JADE2: variants seen among roughly 807,000 people sequenced by gnomAD.
JADE2 encodes E3 ubiquitin-protein ligase Jade-2.
In JADE2, 13 loss-of-function variants were observed where a neutral mutation model predicts 85.7. The observed-to-expected ratio is 0.15, with a 90% CI of 0.10 to 0.24. The LOEUF (loss-of-function observed/expected upper bound fraction) is 0.24, where lower values mean the gene tolerates loss of function less well. Ranked by LOEUF, JADE2 falls within the 10% of genes least tolerant of loss-of-function variation. The pLI, the probability that JADE2 is intolerant of heterozygous loss-of-function variation, is 1.00. For synonymous variants in JADE2, 440 were observed against 456.1 expected (o/e 0.96, Z 0.45); for missense variants, 846 against 1,115.9 (o/e 0.76, Z 3.45).
At position 134,566,234 on chromosome 5, in the gene JADE2, A is replaced by G. The variant is rs1763632855; in HGVS notation, c.1088A>G (p.Glu363Gly). The change falls in exon 9 of 12, where the codon GAG (glutamate) becomes GGG (glycine). Residue 363 changes from glutamate (E) to glycine (G), a missense_variant. This residue lies in a region of JADE2 where 39 missense variants were observed against 37.6 expected (regional missense o/e 1.04). Coordinates refer to ENST00000681547, the MANE Select transcript of JADE2 (RefSeq NM_001388185.1). This position sits in a 1 kb window ranked among gnomAD's most constrained non-coding sequence, Gnocchi z 6.7. ...DEVKFKSFCQ[E>G]HSDGGPRNEP... ...GTCAAGTTCAAGTCATTCTGCCAGG[A>G]GCACAGTGACGGGGGCCCACGTAAT... is the stretch of plus-strand genomic sequence containing the variant. 3 of 1,614,130 alleles carry G rather than the reference A, an allele frequency of 1.9e-6. No individual in the cohort carries two copies. The highest frequency in any genetic ancestry group is 2.5e-6 in the Non-Finnish European group (3 of 1,180,034).
At chr5:134,525,589 G>GCCCCCCCCC, upstream of JADE2, 3 of 190,778 alleles carry the variant, frequency 1.6e-5, no homozygotes, top group South Asian at 3.7e-5. Flanking sequence ...CGCTCCTCCT[G>GCCCCCCCCC]CCCGCCCCCA....
intron 3 of JADE2, among the ~76,000 whole-genome samples, chr5:134,546,451 A>G (rs192109221): frequency 6.6e-6 from 1 of 152,290 alleles, no homozygotes; most frequent in East Asian, 1.9e-4. Context: ...TGACTATTAG[A>G]AGAGATGGAC....
rs760460626 is a variant in JADE2 at position 134,560,779 on chromosome 5, G to A, written c.506G>A (p.Arg169His). 4.3e-6 allele frequency: 7 copies of A among 1,614,026 alleles called. No homozygotes were observed. The highest frequency in any genetic ancestry group is 1.7e-5 in the Admixed American group (1 of 59,982). ...GAGCTGGACGAGCTGACATTAGAGC[G>A]TGTGCTGGAGGAGCTGGAGACCCTG... The part of the protein sequence containing the change: ...RPELDELTLE[R>H]VLEELETLCH... Residue 169 changes from arginine (R) to histidine (H), a missense_variant, in exon 6 of 12, where the codon CGT becomes CAT. By Grantham distance (29) the Arg-to-His change is conservative. Coordinates refer to ENST00000681547, the MANE Select transcript of JADE2 (RefSeq NM_001388185.1).
At chr5:134,538,266 TC>T in intron 3 of JADE2, among the ~76,000 whole-genome samples, 183 bp downstream of exon 3, 1 of 152,146 alleles carries the variant, frequency 6.6e-6, no homozygotes, top group Non-Finnish European at 1.5e-5. Flanking sequence ...GTGAAGATGT[TC>T]CTATTGAACT....
At chr5:134,546,493 C>T (rs1470568040) in intron 3 of JADE2, among the ~76,000 whole-genome samples, 6 of 152,142 alleles carry the variant, frequency 3.9e-5, no homozygotes, top group Non-Finnish European at 7.3e-5. Context: ...ATAGGCTGGG[C>T]GTGGTGGCTC....
chr5:134,555,528 CAG>C (rs1399588144), intron 4 of JADE2, among the ~76,000 whole-genome samples: 1 of 152,204 alleles, frequency 6.6e-6, no homozygotes, highest in Non-Finnish European at 1.5e-5. Context: ...GGAAGGACAG[CAG>C]ATACCTTCTG....
chr5:134,533,442 G>C, intron 1 of JADE2: 2 of 678,068 alleles, frequency 2.9e-6, no homozygotes, highest in Non-Finnish European at 3.6e-6. Context: ...TCTTTCCCAA[G>C]GTCCCTGGTC....
chr5:134,569,125 G>A (rs1763835889), intron 9 of JADE2, among the ~76,000 whole-genome samples: 1 of 152,246 alleles, frequency 6.6e-6, no homozygotes, highest in South Asian at 2.1e-4. Flanking sequence ...TGGGGTCACA[G>A]TGCATGTGGG....
At chr5:134,573,944 C>G (rs1764207269) in intron 10 of JADE2, 182 bp downstream of exon 10, 1 of 681,358 alleles carries the variant, frequency 1.5e-6, no homozygotes, top group African/African-American at 1.8e-5. Flanking sequence ...TGCAAGGGTC[C>G]TGAGTTGTGC....
chr5:134,559,340 C>T (rs1350864041), intron 4 of JADE2, among the ~76,000 whole-genome samples: 1 of 152,204 alleles, frequency 6.6e-6, no homozygotes, highest in Non-Finnish European at 1.5e-5. Context: ...GCCTTGTCCG[C>T]AGCCTTGAAG....
At chr5:134,545,056 C>T (rs1286712895) in intron 3 of JADE2, among the ~76,000 whole-genome samples, 1 of 152,158 alleles carries the variant, frequency 6.6e-6, no homozygotes, top group East Asian at 1.9e-4. Flanking sequence ...GCAAAATGCC[C>T]ATAATTTGAT....
chr5:134,538,448 G>A (rs943364103), intron 3 of JADE2, among the ~76,000 whole-genome samples: 36 of 152,158 alleles, frequency 2.4e-4, no homozygotes, highest in Non-Finnish European at 5.3e-4. Context: ...AAGCAGCAGG[G>A]TTTGTGACAT....
intron 9 of JADE2, among the ~76,000 whole-genome samples, 198 bp from the exon 10 acceptor site, chr5:134,573,447 T>C (rs1764164284): frequency 6.6e-6 from 1 of 152,142 alleles, no homozygotes; most frequent in Admixed American, 6.5e-5. Flanking sequence ...GCCTTAGGTT[T>C]TGGATCCGAG....
intron 1 of JADE2, among the ~76,000 whole-genome samples, chr5:134,533,966 G>T (rs773671918): frequency 6.6e-5 from 10 of 151,894 alleles, no homozygotes; most frequent in Non-Finnish European, 1.5e-4. Context: ...GGCTGGTCTC[G>T]ATCTCTTGGG....
At position 134,583,216 on chromosome 5, in the gene JADE2, G is replaced by A. The variant is rs329327; in HGVS notation, c.*3899G>A. 0.99 allele frequency: 150,807 copies of A among 152,482 alleles called. 74,601 individuals carry two copies. Among genetic ancestry groups the A allele is most frequent in the Middle Eastern group, 1 (296 of 296 alleles). 9.4% of individuals were successfully genotyped at this position (152,482 alleles called of 1,614,324 possible). On this transcript the variant is annotated 3_prime_UTR_variant, in exon 12 of 12. Coordinates refer to ENST00000681547, the MANE Select transcript of JADE2 (RefSeq NM_001388185.1). ...GTTGGCAAACGCAGTTAATAAAGCAGTGTTTTCTGTGCTGGCTGGTGTGAG... is the reference window on the plus strand; with the variant it reads ...GTTGGCAAACGCAGTTAATAAAGCAATGTTTTCTGTGCTGGCTGGTGTGAG...
At position 134,578,482 on chromosome 5, in the gene JADE2, C is replaced by G. The variant is rs774136659; in HGVS notation, c.1682-12C>G. On this transcript the variant is annotated splice_polypyrimidine_tract_variant and intron_variant, in intron 11 of 11. Transcript: ENST00000681547. This position sits in a 1 kb window ranked among gnomAD's most constrained non-coding sequence, Gnocchi z 4.4. ...TCTGCTGGCGTCTCACTTGCCTCCT[C>G]TCTCCCCTCAGCAGGCCTGTCCACC... 1.5e-5 allele frequency: 23 copies of G among 1,552,592 alleles called. No individual in the cohort carries two copies. The highest frequency in any genetic ancestry group is 3.6e-5 in the Admixed American group (2 of 54,862).
intron 4 of JADE2, among the ~76,000 whole-genome samples, chr5:134,552,530 C>T (rs1485379074): frequency 6.6e-6 from 1 of 152,182 alleles, no homozygotes; most frequent in African/African-American, 2.4e-5. Context: ...GGAATGCTAA[C>T]AATAACTAAC....
chr5:134,531,883 C>CTTTTTTTTT lies in JADE2; in HGVS notation c.1-3953_1-3945dup, dbSNP rs1160758941. On this transcript the variant is annotated intron_variant, in intron 1 of 11. Transcript: ENST00000681547. ...TATAAGGATGAGCCACCGTGCCTGGCTTTTTTTTTTTTTTTTTTTTTTTTT... is the reference window on the plus strand; with the variant it reads ...TATAAGGATGAGCCACCGTGCCTGGCTTTTTTTTTTTTTTTTTTTTTTTTTTTTTTTTTT... Among the ~76,000 whole-genome samples, 296 of 38,480 alleles carry CTTTTTTTTT rather than the reference C, an allele frequency of 7.7e-3. 92 individuals are homozygous for CTTTTTTTTT. The highest frequency in any genetic ancestry group is 0.016 in the East Asian group (15 of 924). The allele number at this position is 38,480 out of a possible 152,430, so 25.2% of individuals were successfully genotyped here.
Position 134,562,325 on chromosome 5 carries a change from G to A in JADE2, c.810G>A (p.Gly270=). 1 of 1,614,106 alleles carries A rather than the reference G, an allele frequency of 6.2e-7. No individual in the cohort carries two copies. The highest frequency in any genetic ancestry group is 1.7e-5 in the Admixed American group (1 of 60,030). Reference sequence around the variant, plus strand: ...GAGCCTTGAAGCCCACTAGAAGTGGGACCAAGTGGGTGCATGTCAGCTGTG... The same window carrying A: ...GAGCCTTGAAGCCCACTAGAAGTGGAACCAAGTGGGTGCATGTCAGCTGTG... ...RGGALKPTRS[G]TKWVHVSCAL... Residue 270 remains glycine, a synonymous_variant, in exon 7 of 12, where the codon GGG becomes GGA. Coordinates refer to ENST00000681547, the MANE Select transcript of JADE2 (RefSeq NM_001388185.1). The surrounding 1 kb of genome is among the most constrained non-coding windows in gnomAD (Gnocchi z 4.6).
Sources: allele counts gnomAD v4.1 joint callset (sites outside exome capture counted in the v4.1 genomes callset), GRCh38; gene constraint gnomAD v4.1.1; regional missense constraint gnomAD v4.1.1; non-coding constraint Gnocchi (gnomAD v3.1); transcripts MANE v1.5; gene names NCBI Gene and HGNC (gene_info 2026-07-23, HGNC 2026-07-21).